SNX29: variants seen among roughly 807,000 people sequenced by gnomAD.
SNX29 encodes sorting nexin 29, also known as sorting nexin-29.
In SNX29, 78 loss-of-function variants were observed where a neutral mutation model predicts 102.1. The ratio of observed to expected loss-of-function variants is 0.76; its 90% CI spans 0.64 to 0.92. The LOEUF is 0.92. Among genes scored for constraint, SNX29 ranks in the 40% least tolerant of loss-of-function variants. The pLI, the probability that SNX29 is intolerant of heterozygous loss-of-function variation, is 0.00. For missense variants in SNX29, 1,280 were observed against 1,061.7 expected (o/e 1.21, Z -2.86); for synonymous variants, 580 against 414.5 (o/e 1.40, Z -4.85).
At chr16:12,541,128 A>G (rs377540917) in intron 20 of SNX29, among the ~76,000 whole-genome samples, 2 of 152,190 alleles carry the variant, frequency 1.3e-5, no homozygotes, top group African/African-American at 4.8e-5. Context: ...GGGGAGACAC[A>G]GGGGGAGGTG....
intron 15 of SNX29, among the ~76,000 whole-genome samples, chr16:12,289,732 G>A (rs2079729249): frequency 6.6e-6 from 1 of 152,146 alleles, no homozygotes; most frequent in Non-Finnish European, 1.5e-5. Flanking sequence ...CTGGTTTTCA[G>A]CTTTTCAGAC....
At chr16:11,983,834 C>T (rs1340646180) in intron 1 of SNX29, 3 of 391,104 alleles carry the variant, frequency 7.7e-6, no homozygotes, top group Non-Finnish European at 1.0e-5. Context: ...TTCCATCTGC[C>T]ACTGTCTTGT....
At chr16:12,209,018 G>A (rs1246571238) in intron 14 of SNX29, among the ~76,000 whole-genome samples, 1 of 152,152 alleles carries the variant, frequency 6.6e-6, no homozygotes, top group Non-Finnish European at 1.5e-5. Context: ...CACCAGTTGC[G>A]ATAGAGGGAC....
intron 14 of SNX29, among the ~76,000 whole-genome samples, chr16:12,265,454 G>C (rs532064242): frequency 6.6e-5 from 10 of 152,192 alleles, no homozygotes; most frequent in Non-Finnish European, 1.5e-4. Context: ...ACGCAGCTTC[G>C]AAACAGGTGA....
intron 19 of SNX29, among the ~76,000 whole-genome samples, chr16:12,493,490 A>G (rs370696385): frequency 0.027 from 4,055 of 152,270 alleles, 179 homozygotes; most frequent in African/African-American, 0.091. Context: ...AACAGGGACA[A>G]TTTGACTTCT....
At chr16:12,199,118 G>A (rs2076851302) in intron 13 of SNX29, among the ~76,000 whole-genome samples, 1 of 152,180 alleles carries the variant, frequency 6.6e-6, no homozygotes, top group Non-Finnish European at 1.5e-5. Context: ...GCTTTGGAAG[G>A]ATTCAAGGAG....
In SNX29 at chr16:12,572,421, C is replaced by T. The variant is rs1267988908; in HGVS notation, c.*3792C>T. The T allele has an allele frequency of 4.7e-6, 5 of 1,064,048 alleles. No homozygotes were observed. The highest frequency in any genetic ancestry group is 5.7e-6 in the Non-Finnish European group (5 of 878,444). 65.9% of individuals were successfully genotyped at this position (1,064,048 alleles called of 1,614,324 possible). ...TGAGGCAGGGCTCTGTGGCCCAGGC[C>T]GGCAGTGGCTGCCTCTCTTGGTTCT... is the stretch of plus-strand genomic sequence containing the variant. On this transcript the variant is annotated 3_prime_UTR_variant, in exon 21 of 21. Coordinates refer to ENST00000566228, the MANE Select transcript of SNX29 (RefSeq NM_032167.5).
intron 18 of SNX29, among the ~76,000 whole-genome samples, chr16:12,410,794 G>C (rs910196260): frequency 3.3e-5 from 5 of 152,224 alleles, no homozygotes; most frequent in African/African-American, 1.2e-4. Flanking sequence ...TGCAGGGAAA[G>C]CGTATTATTT....
rs79129790 is a variant in SNX29, at chr16:12,059,479, T to C, written c.1125-2049T>C. 8.7e-3 allele frequency among the ~76,000 whole-genome samples: 1,328 copies of C among 152,342 alleles called. 17 individuals carry two copies. Among genetic ancestry groups the C allele is most frequent in the African/African-American group, 0.03 (1,244 of 41,584 alleles). The stretch of plus-strand genomic sequence containing the variant: ...CCCACCCTGCTGTCTGAAAGCCTCA[T>C]TGTGGTATGGGCATGGTTGAATGAT... On this transcript the variant is annotated intron_variant, in intron 8 of 20. Transcript: ENST00000566228.
At chr16:12,339,370 C>CAAAAAAAAA (rs58148692) in intron 15 of SNX29, among the ~76,000 whole-genome samples, 951 of 56,266 alleles carry the variant, frequency 0.017, 114 homozygotes, top group African/African-American at 0.052. Context: ...GATTCTGTCT[C>CAAAAAAAAA]AAAAAAAAAA....
chr16:12,054,249 A>G (rs1000426143), intron 8 of SNX29, among the ~76,000 whole-genome samples: 3 of 152,264 alleles, frequency 2.0e-5, no homozygotes, highest in Non-Finnish European at 2.9e-5. Flanking sequence ...TACAGGCATG[A>G]GCCACTGTGC....
chr16:12,530,065 C>A (rs555721757), intron 20 of SNX29, among the ~76,000 whole-genome samples: 1 of 152,240 alleles, frequency 6.6e-6, no homozygotes, highest in Non-Finnish European at 1.5e-5. Flanking sequence ...AGTTCGGCAC[C>A]GTTCCAACTA....
chr16:12,236,558 A>C (rs934536272), intron 14 of SNX29, among the ~76,000 whole-genome samples: 9 of 152,000 alleles, frequency 5.9e-5, no homozygotes, highest in African/African-American at 2.2e-4. Flanking sequence ...GGTGTCACCT[A>C]CTCTGGAAAG....
At position 12,569,583 on chromosome 16, in the gene SNX29, C is replaced by T. The variant is rs1598132803; in HGVS notation, c.*954C>T. On this transcript the variant is annotated 3_prime_UTR_variant, in exon 21 of 21. Coordinates refer to ENST00000566228, the MANE Select transcript of SNX29 (RefSeq NM_032167.5). ...TGTGTCTCTCCACTAAAAACATTTT[C>T]CATCCCGTCTGCCCCCGACATTGTC... 1 of 230,452 alleles carries T rather than the reference C, an allele frequency of 4.3e-6. No homozygotes were observed. The highest frequency in any genetic ancestry group is 2.2e-5 in the African/African-American group (1 of 45,284). The allele number at this position is 230,452 out of a possible 1,614,324, so 14.3% of individuals were successfully genotyped here. A position where few individuals can be genotyped will look rare whatever the true frequency, so the allele number is the denominator to read the frequency against.
Position 12,078,891 on chromosome 16 carries a change from T to G in SNX29, c.1378T>G (p.Ser460Ala), listed in dbSNP as rs1251804018. 1.2e-6 allele frequency: 2 copies of G among 1,605,450 alleles called. No homozygotes were observed. Among genetic ancestry groups the G allele is most frequent in the Non-Finnish European group, 1.7e-6 (2 of 1,176,248 alleles). ...TCTGAGCAGCCTGTTACCTTCTGCC[T>G]CAGTGCCAGAGTCCATGACAATTAG... ...SPLSSLLPSA[S>A]VPESMTISEL... is the part of the protein sequence containing the mutation. The change falls in exon 11 of 21, where the codon TCA becomes GCA. Residue 460 changes from serine (S) to alanine (A), a missense_variant. Physicochemically the swap from Ser to Ala is moderately conservative, Grantham distance 99 (BLOSUM62 1). Coordinates refer to ENST00000566228, the MANE Select transcript of SNX29 (RefSeq NM_032167.5).
chr16:11,996,709 A>G (rs1023519959), intron 1 of SNX29, among the ~76,000 whole-genome samples: 18 of 152,178 alleles, frequency 1.2e-4, no homozygotes, highest in Middle Eastern at 3.4e-3. Flanking sequence ...CTTTTTTTCT[A>G]TTCTGGTGTT....
intron 20 of SNX29, among the ~76,000 whole-genome samples, chr16:12,554,380 G>A (rs1340150109): frequency 2.3e-5 from 2 of 88,736 alleles, no homozygotes; most frequent in Non-Finnish European, 3.6e-5. Flanking sequence ...AGGTGTTTCT[G>A]TGCCCCGTGC....
intron 15 of SNX29, among the ~76,000 whole-genome samples, chr16:12,304,975 CTT>C (rs2080294142): frequency 6.6e-6 from 1 of 152,180 alleles, no homozygotes; most frequent in African/African-American, 2.4e-5. Flanking sequence ...TTAAAATACA[CTT>C]AATGCTAAAA....
At chr16:12,120,683 G>GGGT (rs1189599389) in intron 11 of SNX29, among the ~76,000 whole-genome samples, 1 of 152,122 alleles carries the variant, frequency 6.6e-6, no homozygotes, top group Non-Finnish European at 1.5e-5. Flanking sequence ...GTTTATGTTT[G>GGGT]GGTCCCTGGG....
Sources: allele counts gnomAD v4.1 joint callset (sites outside exome capture counted in the v4.1 genomes callset), GRCh38; gene constraint gnomAD v4.1.1; transcripts MANE v1.5; gene names NCBI Gene and HGNC (gene_info 2026-07-23, HGNC 2026-07-21).